The following NFIC variants were observed in gnomAD, a reference collection of about 807,000 sequenced individuals.
The protein encoded by NFIC is nuclear factor I C.
NFIC carries 12 observed loss-of-function variants against 54.4 expected under a neutral mutation model. That is an observed-to-expected ratio of 0.22 (90% CI 0.14 to 0.36). The LOEUF (loss-of-function observed/expected upper bound fraction) is 0.36, where lower values mean the gene tolerates loss of function less well. Among genes scored for constraint, NFIC ranks in the 10% least tolerant of loss-of-function variants. The probability of loss-of-function intolerance (pLI) is 1.00; values close to 1 mark genes in which losing one functional copy is unlikely to be tolerated. For synonymous variants in NFIC, 322 were observed against 319.2 expected, an observed-to-expected ratio of 1.01 and a Z score of -0.09; for missense variants, 575 against 718.2, an observed-to-expected ratio of 0.80 and a Z score of 2.28.
intron 6 of NFIC, among the ~76,000 whole-genome samples, chr19:3,435,697 G>A (rs557107848): frequency 3.9e-5 from 6 of 152,100 alleles, no homozygotes; most frequent in Admixed American, 6.5e-5. Flanking sequence ...GGATCTTCTG[G>A]TTCTGCAGGA....
chr19:3,431,369 T>A (rs1053615396), intron 3 of NFIC, among the ~76,000 whole-genome samples: 7 of 130,194 alleles, frequency 5.4e-5, no homozygotes, highest in African/African-American at 1.7e-4. Flanking sequence ...TCTTTTTTTT[T>A]TTTTTTTTTT....
At chr19:3,419,037 A>C (rs1032064958) in intron 2 of NFIC, among the ~76,000 whole-genome samples, 1 of 151,988 alleles carries the variant, frequency 6.6e-6, no homozygotes, top group Non-Finnish European at 1.5e-5. Context: ...TCATAGAGAC[A>C]GAAAGTAGGT....
intron 2 of NFIC, among the ~76,000 whole-genome samples, chr19:3,405,238 G>A (rs760688210): frequency 1.5e-4 from 23 of 152,370 alleles, no homozygotes; most frequent in African/African-American, 2.2e-4. Flanking sequence ...GGAGGCCAGC[G>A]TCCTGGAGGT....
At chr19:3,405,093 G>A (rs1043471393) in intron 2 of NFIC, among the ~76,000 whole-genome samples, 1 of 152,262 alleles carries the variant, frequency 6.6e-6, no homozygotes, top group Admixed American at 6.5e-5. Flanking sequence ...AAAGAAAAAA[G>A]AAACTTTTCT....
upstream of NFIC, among the ~76,000 whole-genome samples, chr19:3,364,306 G>A (rs113398558): frequency 0.045 from 6,851 of 152,176 alleles, 224 homozygotes; most frequent in Non-Finnish European, 0.068. Context: ...TTGTAACCAC[G>A]GGCAGGTATT....
intron 3 of NFIC, among the ~76,000 whole-genome samples, chr19:3,431,140 G>A (rs1318397216): frequency 6.6e-6 from 1 of 151,020 alleles, no homozygotes; most frequent in African/African-American, 2.4e-5. Flanking sequence ...GCAATGTCGC[G>A]ATCTCGGCCT....
At chr19:3,379,552 G>A (rs1342300278) in intron 1 of NFIC, among the ~76,000 whole-genome samples, 1 of 150,552 alleles carries the variant, frequency 6.6e-6, no homozygotes, top group Admixed American at 6.6e-5. Context: ...CACTATGTTG[G>A]CCAGGCTGGT....
At position 3,435,070 on chromosome 19, in the gene NFIC, C is replaced by T. The variant is rs1222651339; in HGVS notation, c.834-13C>T. 1.3e-6 allele frequency: 2 copies of T among 1,578,572 alleles called. No individual in the cohort carries two copies. The highest frequency in any genetic ancestry group is 2.7e-5 in the African/African-American group (2 of 74,190). Reference sequence around the variant, plus strand: ...CCCTGGTAACCAGCCTCTCCCCTTCCCTCGCCCATAAGGAGCAAGCGGCAC... The same window carrying T: ...CCCTGGTAACCAGCCTCTCCCCTTCTCTCGCCCATAAGGAGCAAGCGGCAC... On this transcript the variant is annotated splice_polypyrimidine_tract_variant and intron_variant, in intron 5 of 10. Transcript: ENST00000443272.
At chr19:3,457,900 G>T (rs956483214) in intron 10 of NFIC, 6 of 152,200 alleles carry the variant, frequency 3.9e-5, no homozygotes, top group Admixed American at 1.3e-4. Flanking sequence ...AAAACCAGCC[G>T]GAGGAGGAAG....
chr19:3,365,584 C>T (rs980790087), upstream of NFIC, among the ~76,000 whole-genome samples: 29 of 152,152 alleles, frequency 1.9e-4, no homozygotes, highest in African/African-American at 6.3e-4. Context: ...ATGTGGGCTC[C>T]AGGTCCAGAT....
intron 6 of NFIC, among the ~76,000 whole-genome samples, chr19:3,443,285 G>A (rs2082320751): frequency 6.6e-6 from 1 of 152,054 alleles, no homozygotes; most frequent in African/African-American, 2.4e-5. Flanking sequence ...AGCTGCATGT[G>A]GTGGCGTGTG....
At chr19:3,406,619 TCA>T (rs1195194830) in intron 2 of NFIC, among the ~76,000 whole-genome samples, 3 of 152,142 alleles carry the variant, frequency 2.0e-5, no homozygotes, top group African/African-American at 7.2e-5. Context: ...GATAAAAGCA[TCA>T]CAGTTTTCTC....
At chr19:3,425,073 G>T in intron 2 of NFIC, 33 bp from the exon 3 acceptor site, 1 of 1,610,988 alleles carries the variant, frequency 6.2e-7, no homozygotes, top group Non-Finnish European at 8.5e-7. Flanking sequence ...GGGTCTCTGT[G>T]ATGCCACCAG....
chr19:3,452,581 G>A lies in NFIC; in HGVS notation c.1184G>A (p.Arg395His), dbSNP rs140170107. 1.8e-5 allele frequency: 29 copies of A among 1,613,580 alleles called. No homozygotes were observed. The highest frequency in any genetic ancestry group is 1.6e-4 in the Middle Eastern group (1 of 6,084). Residue 395 changes from arginine (R) to histidine (H), a missense_variant, in exon 8 of 11, where the codon CGC (arginine) becomes CAC (histidine). Physicochemically the swap from Arg to His is conservative, Grantham distance 29 (BLOSUM62 0). This residue lies in a region of NFIC where 447 missense variants were observed against 526.9 expected (regional missense o/e 0.85). Coordinates refer to ENST00000443272, the MANE Select transcript of NFIC (RefSeq NM_001245002.2). This position sits in a 1 kb window ranked among gnomAD's most constrained non-coding sequence, Gnocchi z 5.3. ...ACCTACTTCCCCCACACGGCCATCC[G>A]CTACCCACCTCATCTCAACCCCCAG... is the stretch of plus-strand genomic sequence containing the variant. ...ASTYFPHTAI[R>H]YPPHLNPQDP...
In NFIC at chr19:3,464,300, TG is replaced by T. The variant is rs1268425198; in HGVS notation, c.*1535del. ...TTTCGGGGGGTTCGGCGTCGCACCT[TG>T]GGGCCCCCCGCAGCCGTGTAGGGGG... On this transcript the variant is annotated 3_prime_UTR_variant, in exon 11 of 11. Transcript: ENST00000443272. The T allele has an allele frequency of 4.1e-6, 4 of 985,062 alleles. No homozygotes were observed. The African/African-American group carries it at 7.0e-5, about 17-fold the overall frequency. 61.0% of individuals were successfully genotyped at this position (985,062 alleles called of 1,614,324 possible). A position where few individuals can be genotyped will look rare whatever the true frequency, so the allele number is the denominator to read the frequency against.
intron 7 of NFIC, among the ~76,000 whole-genome samples, chr19:3,450,047 CCT>C (rs1032779717): frequency 1.3e-5 from 2 of 150,044 alleles, no homozygotes; most frequent in African/African-American, 4.9e-5. Flanking sequence ...AGAGCAAGAC[CCT>C]GTCTCCAAAA....
intron 2 of NFIC, among the ~76,000 whole-genome samples, chr19:3,393,912 G>A (rs938392661): frequency 2.0e-5 from 3 of 151,444 alleles, no homozygotes; most frequent in Non-Finnish European, 2.9e-5. Flanking sequence ...GTATACTGGG[G>A]AAATTAATTT....
rs868811863 is a variant in NFIC, at chr19:3,448,913, G to T, written c.959-101G>T. 1.5e-5 allele frequency: 22 copies of T among 1,491,410 alleles called. No homozygotes were observed. In the Middle Eastern group the frequency reaches 5.4e-4, roughly 37 times the overall value. 92.4% of individuals were successfully genotyped at this position (1,491,410 alleles called of 1,614,324 possible). A position where few individuals can be genotyped will look rare whatever the true frequency, so the allele number is the denominator to read the frequency against. ...GGATTCTGGGGTAAGAGGAGGCGGG[G>T]TGATGAGGCTTCCTATCCCTTCGGA... On this transcript the variant is annotated intron_variant, in intron 6 of 10. Coordinates refer to ENST00000443272, the MANE Select transcript of NFIC (RefSeq NM_001245002.2).
chr19:3,368,623 C>T (rs1052040427), intron 1 of NFIC, among the ~76,000 whole-genome samples: 5 of 152,212 alleles, frequency 3.3e-5, no homozygotes, highest in Non-Finnish European at 5.9e-5. Flanking sequence ...CTGCGATTCT[C>T]CTCTCTGCCC....
Sources: gnomAD v4.1 joint callset for allele counts (sites outside exome capture counted in the v4.1 genomes callset) on GRCh38, gnomAD v4.1.1 for gene constraint, gnomAD v4.1.1 regional missense constraint, Gnocchi (gnomAD v3.1) non-coding constraint, MANE v1.5 for transcripts, NCBI Gene and HGNC (gene_info 2026-07-23, HGNC 2026-07-21) for gene names.